Variants in TLR6 observed in about 807,000 individuals in gnomAD.
The protein encoded by TLR6 is toll like receptor 6.
A neutral mutation model predicts 16.1 loss-of-function variants in TLR6; 9 were observed. The observed-to-expected ratio is 0.56, with a 90% CI of 0.34 to 0.98. The LOEUF is 0.98. TLR6 is among the 50% of genes least tolerant of loss of function. The probability of loss-of-function intolerance (pLI) is 0.02; values close to 1 mark genes in which losing one functional copy is unlikely to be tolerated. For synonymous variants in TLR6, 340 were observed against 338.6 expected, an observed-to-expected ratio of 1.00 and a Z score of -0.04; for missense variants, 786 against 921.0, an observed-to-expected ratio of 0.85 and a Z score of 1.90.
chr4:38,833,503 G>T (rs1034323218), intron 1 of TLR6, among the ~76,000 whole-genome samples: 3 of 152,064 alleles, frequency 2.0e-5, no homozygotes, highest in African/African-American at 7.2e-5. Context: ...CAAAGCCAAA[G>T]CACCCTATAC....
exon 2 of TLR6, chr4:38,824,373 G>A (rs1727448691): frequency 6.6e-6 from 1 of 152,276 alleles, no homozygotes; most frequent in Non-Finnish European, 1.5e-5. Context: ...GAAATGGGAA[G>A]AATGTGACGG....
intron 1 of TLR6, among the ~76,000 whole-genome samples, chr4:38,856,158 C>T (rs57585651): frequency 4.0e-5 from 6 of 151,864 alleles, no homozygotes; most frequent in Non-Finnish European, 8.8e-5. Context: ...TGTGAAGGGG[C>T]TTGGTCCCGG....
chr4:38,849,090 C>T (rs1712660658), intron 1 of TLR6, among the ~76,000 whole-genome samples: 1 of 152,326 alleles, frequency 6.6e-6, no homozygotes, highest in South Asian at 2.1e-4. Flanking sequence ...TCGGCAGAAA[C>T]TCTACAAGCC....
chr4:38,829,103 C>T (rs774154254), exon 2 of TLR6: 5 of 1,614,072 alleles, frequency 3.1e-6, no homozygotes, highest in Non-Finnish European at 4.2e-6. Context: ...ATCTAAATGC[C>T]TGAAACTCAC....
chr4:38,840,037 C>A (rs1357293040), intron 1 of TLR6, among the ~76,000 whole-genome samples: 1 of 152,152 alleles, frequency 6.6e-6, no homozygotes, highest in Non-Finnish European at 1.5e-5. Flanking sequence ...ATCATAATGA[C>A]CTATCACTTG....
chr4:38,856,926 A>G (rs1713015346), upstream of TLR6: 1 of 152,252 alleles, frequency 6.6e-6, no homozygotes, highest in South Asian at 2.1e-4. Flanking sequence ...GTATATTTTT[A>G]CCTTTCAAAG....
chr4:38,860,404 G>A (rs530611035), upstream of TLR6, among the ~76,000 whole-genome samples: 3 of 151,956 alleles, frequency 2.0e-5, no homozygotes, highest in Admixed American at 6.6e-5. Context: ...CCCAGGAGGC[G>A]GAGGTTGCTG....
chr4:38,859,489 G>T (rs1051837317), upstream of TLR6, among the ~76,000 whole-genome samples: 1 of 151,174 alleles, frequency 6.6e-6, no homozygotes, highest in African/African-American at 2.4e-5. Context: ...AGAGGCATAT[G>T]AATCTTTTTT....
intron 1 of TLR6, among the ~76,000 whole-genome samples, chr4:38,832,859 C>A (rs539919091): frequency 6.6e-6 from 1 of 152,328 alleles, no homozygotes; most frequent in South Asian, 2.1e-4. Flanking sequence ...AGTGTGCATT[C>A]CCCAGAGCCT....
chr4:38,846,337 T>C (rs1276946941), intron 1 of TLR6, among the ~76,000 whole-genome samples: 1 of 152,140 alleles, frequency 6.6e-6, no homozygotes, highest in African/African-American at 2.4e-5. Context: ...GCATTTATAA[T>C]AGATATCTTC....
At chr4:38,836,003 T>G (rs1195005678) in intron 1 of TLR6, among the ~76,000 whole-genome samples, 1 of 151,886 alleles carries the variant, frequency 6.6e-6, no homozygotes, top group Non-Finnish European at 1.5e-5. Flanking sequence ...TAGCAATAAA[T>G]GCCTACATCA....
chr4:38,865,359 A>G, the TLR6 span, among the ~76,000 whole-genome samples: 1 of 152,254 alleles, frequency 6.6e-6, no homozygotes, highest in Admixed American at 6.5e-5. Flanking sequence ...AAGCAGCTAC[A>G]TGAGTAAAAG....
At chr4:38,858,089 G>C (rs73811232), upstream of TLR6, among the ~76,000 whole-genome samples, 4,711 of 152,270 alleles carry the variant, frequency 0.031, 207 homozygotes, top group African/African-American at 0.085. Flanking sequence ...TCTTGTCGAG[G>C]CTGTCATAAC....
At chr4:38,848,003 C>T (rs977996334) in intron 1 of TLR6, among the ~76,000 whole-genome samples, 7 of 152,200 alleles carry the variant, frequency 4.6e-5, no homozygotes, top group Non-Finnish European at 7.4e-5. Flanking sequence ...GGTCCCTGAC[C>T]CCCATGTAGC....
intron 1 of TLR6, among the ~76,000 whole-genome samples, chr4:38,851,074 A>G (rs1042881155): frequency 1.3e-5 from 2 of 152,236 alleles, no homozygotes; most frequent in Admixed American, 1.3e-4. Context: ...GGCTGTTTCA[A>G]CATACGCAAA....
intron 1 of TLR6, among the ~76,000 whole-genome samples, chr4:38,853,218 T>C (rs55874619): frequency 0.63 from 80,741 of 128,170 alleles, 25,816 homozygotes; most frequent in African/African-American, 0.81. Context: ...CATAACACAC[T>C]GGGGCCTGTC....
At chr4:38,834,741 T>A (rs1278591439) in intron 1 of TLR6, among the ~76,000 whole-genome samples, 2 of 152,144 alleles carry the variant, frequency 1.3e-5, no homozygotes, top group African/African-American at 4.8e-5. Context: ...GATAATATAC[T>A]CAAAGTGCTG....
chr4:38,826,921 C>T, exon 2 of TLR6: 1 of 608,424 alleles, frequency 1.6e-6, no homozygotes, highest in Non-Finnish European at 2.8e-6. Context: ...GCAGGCTAAC[C>T]TCACCGCCTA....
chr4:38,859,332 T>A (rs1713144299), upstream of TLR6, among the ~76,000 whole-genome samples: 1 of 152,152 alleles, frequency 6.6e-6, no homozygotes, highest in South Asian at 2.1e-4. Context: ...GGAGAGAGCA[T>A]CACCCTATGA....
Sources: allele counts gnomAD v4.1 joint callset (sites outside exome capture counted in the v4.1 genomes callset), GRCh38; gene constraint gnomAD v4.1.1; transcripts MANE v1.5; gene names NCBI Gene and HGNC (gene_info 2026-07-23, HGNC 2026-07-21).